Variants in SLC25A26 observed in about 807,000 individuals in gnomAD.
SLC25A26 encodes the protein mitochondrial S-adenosylmethionine carrier protein.
Under a neutral mutation model 37.8 loss-of-function variants are expected in SLC25A26, and 36 were observed. The ratio of observed to expected loss-of-function variants is 0.95; its 90% CI spans 0.73 to 1.26. The LOEUF (loss-of-function observed/expected upper bound fraction) is 1.26, where lower values mean the gene tolerates loss of function less well. Ranked by LOEUF, SLC25A26 falls within the 50% of genes most tolerant of loss-of-function variation. SLC25A26 has a pLI of 0.00. For synonymous variants in SLC25A26, 129 were observed against 122.5 expected, an observed-to-expected ratio of 1.05 and a Z score of -0.35; for missense variants, 390 against 331.1, an observed-to-expected ratio of 1.18 and a Z score of -1.38.
chr3:66,154,540 CT>C (rs60639995), intron 1 of SLC25A26, among the ~76,000 whole-genome samples: 5,484 of 130,230 alleles, frequency 0.042, 96 homozygotes, highest in African/African-American at 0.089. Flanking sequence ...TTCTTTTTTT[CT>C]TTTTTTTTTT....
At chr3:66,239,998 G>A (rs1411879862) in intron 2 of SLC25A26, among the ~76,000 whole-genome samples, 2 of 151,938 alleles carry the variant, frequency 1.3e-5, no homozygotes, top group African/African-American at 4.8e-5. Context: ...ATCACTTCCA[G>A]CATCACTAGT....
intron 1 of SLC25A26, among the ~76,000 whole-genome samples, chr3:66,213,675 G>T (rs1293766007): frequency 6.6e-6 from 1 of 152,078 alleles, no homozygotes; most frequent in Admixed American, 6.5e-5. Context: ...ATCACTCTTG[G>T]TGTAGTACTT....
intron 1 of SLC25A26, among the ~76,000 whole-genome samples, chr3:66,168,160 A>ATATAT (rs1553649635): frequency 1.0e-5 from 1 of 97,438 alleles, no homozygotes; most frequent in Non-Finnish European, 2.0e-5. Flanking sequence ...TCTCAAAAAA[A>ATATAT]ATATATATAT....
At chr3:66,294,318 CTT>C (rs1359305238) in intron 5 of SLC25A26, among the ~76,000 whole-genome samples, 5 of 152,010 alleles carry the variant, frequency 3.3e-5, no homozygotes, top group Admixed American at 6.6e-5. Flanking sequence ...TGATAGGTCT[CTT>C]GGCTTGCCGG....
intron 1 of SLC25A26, among the ~76,000 whole-genome samples, chr3:66,232,708 G>A (rs1234826162): frequency 1.3e-5 from 2 of 152,198 alleles, no homozygotes; most frequent in Middle Eastern, 3.2e-3. Flanking sequence ...CACATAGTGC[G>A]AGTTTTGGGA....
chr3:66,289,036 G>A (rs975825330), intron 5 of SLC25A26, among the ~76,000 whole-genome samples: 2 of 152,100 alleles, frequency 1.3e-5, no homozygotes, highest in African/African-American at 4.8e-5. Context: ...GCATGAGATG[G>A]TATCTCATTG....
At chr3:66,362,751 C>T (rs1575610845) in intron 6 of SLC25A26, 109 bp from the exon 7 acceptor site, 1 of 622,040 alleles carries the variant, frequency 1.6e-6, no homozygotes. Context: ...TAAAGAATGC[C>T]ACCAAAATAG....
chr3:66,234,296 TAAG>T (rs782101438), intron 1 of SLC25A26, among the ~76,000 whole-genome samples: 3 of 152,204 alleles, frequency 2.0e-5, no homozygotes, highest in Admixed American at 6.5e-5. Context: ...AAACAAGAAT[TAAG>T]AAGAGTTTTG....
At position 66,164,296 on chromosome 3, in the gene SLC25A26, C is replaced by G. The variant is rs542423248; in HGVS notation, c.-354+30312C>G. On this transcript the variant is annotated intron_variant, in intron 1 of 10. Coordinates refer to the SLC25A26 transcript ENST00000676754. ...TTTAGGATTGTTTAATTGGACAACT[C>G]AACAAGGTCAGATATCTGGGTGAGC... is the stretch of plus-strand genomic sequence containing the variant. Among the ~76,000 whole-genome samples the G allele has an allele frequency of 2.6e-5, 4 of 152,316 alleles. No homozygotes were observed. In the East Asian group the frequency reaches 7.7e-4, roughly 29 times the overall value.
intron 5 of SLC25A26, among the ~76,000 whole-genome samples, chr3:66,269,272 T>G (rs1225094374): frequency 6.6e-6 from 1 of 152,240 alleles, no homozygotes; most frequent in Non-Finnish European, 1.5e-5. Context: ...GGCTGCAACC[T>G]TGATATGTCT....
intron 5 of SLC25A26, among the ~76,000 whole-genome samples, chr3:66,315,606 G>C (rs1310514319): frequency 6.6e-6 from 1 of 152,156 alleles, no homozygotes; most frequent in Non-Finnish European, 1.5e-5. Context: ...TTTTTGGGGA[G>C]AGAGTTCTGT....
chr3:66,150,495 C>A (rs2070182663), intron 1 of SLC25A26, among the ~76,000 whole-genome samples: 1 of 101,206 alleles, frequency 9.9e-6, no homozygotes, highest in African/African-American at 4.1e-5. Flanking sequence ...AAGACTCTAT[C>A]TCAAGACAAA....
At chr3:66,279,418 C>T (rs2074263653) in intron 5 of SLC25A26, among the ~76,000 whole-genome samples, 1 of 152,148 alleles carries the variant, frequency 6.6e-6, no homozygotes, top group African/African-American at 2.4e-5. Context: ...TAAACTTACA[C>T]CTGGTGCTAC....
At chr3:66,190,485 G>A (rs2070919116) in intron 1 of SLC25A26, among the ~76,000 whole-genome samples, 2 of 152,180 alleles carry the variant, frequency 1.3e-5, no homozygotes, top group South Asian at 2.1e-4. Context: ...CTAGAGTGCA[G>A]TGGCACAGTC....
chr3:66,260,628 G>A (rs545609894), intron 3 of SLC25A26, among the ~76,000 whole-genome samples: 1 of 152,212 alleles, frequency 6.6e-6, no homozygotes, highest in Admixed American at 6.5e-5. Flanking sequence ...ACATCACATG[G>A]TGTCTTTGTC....
intron 5 of SLC25A26, among the ~76,000 whole-genome samples, chr3:66,318,884 A>C (rs2075615404): frequency 6.6e-6 from 1 of 152,060 alleles, no homozygotes; most frequent in African/African-American, 2.4e-5. Context: ...TCCTGGACTC[A>C]AGCGATCCTC....
intron 1 of SLC25A26, among the ~76,000 whole-genome samples, chr3:66,142,881 A>C (rs1398719730): frequency 1.3e-5 from 2 of 152,088 alleles, no homozygotes; most frequent in Non-Finnish European, 2.9e-5. Flanking sequence ...CTCCCACCTC[A>C]GCCTCCTGAG....
At chr3:66,281,822 CT>C (rs35569177) in intron 5 of SLC25A26, among the ~76,000 whole-genome samples, 27,857 of 121,942 alleles carry the variant, frequency 0.23, 2,791 homozygotes, top group African/African-American at 0.37. Flanking sequence ...CCCGTTAGTC[CT>C]TTTTTTTTTT....
intron 5 of SLC25A26, among the ~76,000 whole-genome samples, chr3:66,317,977 C>G (rs1419433314): frequency 6.6e-6 from 1 of 152,198 alleles, no homozygotes; most frequent in African/African-American, 2.4e-5. Flanking sequence ...CAGGGGAAAA[C>G]AGCCAACTGG....
Sources: gnomAD v4.1 joint callset for allele counts (sites outside exome capture counted in the v4.1 genomes callset) on GRCh38, gnomAD v4.1.1 for gene constraint, MANE v1.5 for transcripts, NCBI Gene and HGNC (gene_info 2026-07-23, HGNC 2026-07-21) for gene names.